The following GRM8 variants were observed in gnomAD, a reference collection of about 807,000 sequenced individuals.
GRM8 encodes metabotropic glutamate receptor 8.
GRM8 carries 47 observed loss-of-function variants against 87.2 expected under a neutral mutation model. The ratio of observed to expected loss-of-function variants is 0.54; its 90% confidence interval spans 0.43 to 0.69. GRM8 has a LOEUF of 0.69. Among genes scored for constraint, GRM8 ranks in the 30% least tolerant of loss-of-function variants. The pLI, the probability that GRM8 is intolerant of heterozygous loss-of-function variation, is 0.00. For synonymous variants in GRM8, 396 were observed against 404.5 expected (o/e 0.98, Z 0.25); for missense variants, 1,019 against 1,139.2 (o/e 0.89, Z 1.52).
At chr7:126,980,856 A>G (rs779658407) in intron 3 of GRM8, 3 of 152,224 alleles carry the variant, frequency 2.0e-5, no homozygotes, top group Non-Finnish European at 4.4e-5. Context: ...TTGGTCATGC[A>G]CACTAAATCA....
chr7:126,540,080 A>G (rs1816357970), intron 8 of GRM8, among the ~76,000 whole-genome samples: 1 of 152,138 alleles, frequency 6.6e-6, no homozygotes, highest in Admixed American at 6.5e-5. Flanking sequence ...TCCAGAATAT[A>G]TTTTTTAAAA....
intron 9 of GRM8, among the ~76,000 whole-genome samples, chr7:126,479,660 T>C (rs191838552): frequency 2.6e-5 from 4 of 152,244 alleles, no homozygotes; most frequent in African/African-American, 9.6e-5. Flanking sequence ...TTTTTGACTA[T>C]TTTAAATAAT....
At chr7:127,018,300 A>G (rs1427346302) in intron 3 of GRM8, among the ~76,000 whole-genome samples, 1 of 151,940 alleles carries the variant, frequency 6.6e-6, no homozygotes. Flanking sequence ...AAATAATAAT[A>G]AGGAAAAGTG....
intron 2 of GRM8, among the ~76,000 whole-genome samples, chr7:127,160,048 C>T (rs1392247826): frequency 6.6e-6 from 1 of 151,976 alleles, no homozygotes; most frequent in Non-Finnish European, 1.5e-5. Context: ...AAAAGCATTG[C>T]CTAAGCATAA....
intron 9 of GRM8, among the ~76,000 whole-genome samples, chr7:126,452,930 T>A (rs1175761098): frequency 6.6e-6 from 1 of 151,728 alleles, no homozygotes; most frequent in African/African-American, 2.4e-5. Flanking sequence ...ATATATTAAT[T>A]AATAAGGGAT....
At position 127,137,192 on chromosome 7, in the gene GRM8, T is replaced by C. The variant is rs754302624; in HGVS notation, c.511-30480A>G. On this transcript the variant is annotated intron_variant, in intron 2 of 10. Coordinates refer to ENST00000339582, the MANE Select transcript of GRM8 (RefSeq NM_000845.3). ...GGACTGTTCTAGGAGTTGGAGTTTATACACATACACATGCATAAACATACA... is the reference window on the plus strand; with the variant it reads ...GGACTGTTCTAGGAGTTGGAGTTTACACACATACACATGCATAAACATACA... Among the ~76,000 whole-genome samples, 40 of 151,928 alleles carry C rather than the reference T, an allele frequency of 2.6e-4. 1 individual carries two copies. Among genetic ancestry groups the C allele is most frequent in the Middle Eastern group, 3.4e-3 (1 of 292 alleles).
intron 7 of GRM8, among the ~76,000 whole-genome samples, chr7:126,634,001 A>AT (rs1185101877): frequency 6.6e-6 from 1 of 152,072 alleles, no homozygotes; most frequent in Admixed American, 6.6e-5. Context: ...AATTTTATAG[A>AT]TTTTATTAGT....
At chr7:126,539,056 G>GC (rs2150887627) in intron 8 of GRM8, among the ~76,000 whole-genome samples, 1 of 151,784 alleles carries the variant, frequency 6.6e-6, no homozygotes, top group Admixed American at 6.6e-5. Context: ...AATCTAATAT[G>GC]CTTGAGATGA....
chr7:127,000,398 AT>A (rs1420719920), intron 3 of GRM8, among the ~76,000 whole-genome samples: 1 of 151,744 alleles, frequency 6.6e-6, no homozygotes, highest in Non-Finnish European at 1.5e-5. Flanking sequence ...CTAAAATAAT[AT>A]AATTGGATTG....
At chr7:126,729,028 CTT>C (rs3831574) in intron 7 of GRM8, among the ~76,000 whole-genome samples, 66,446 of 151,928 alleles carry the variant, frequency 0.44, 14,648 homozygotes, top group Admixed American at 0.46. Context: ...TTCCTTCACT[CTT>C]TTTCTCCTCA....
At chr7:126,751,266 G>T (rs1293038327) in intron 7 of GRM8, among the ~76,000 whole-genome samples, 2 of 150,836 alleles carry the variant, frequency 1.3e-5, no homozygotes, top group African/African-American at 4.9e-5. Context: ...GTCATTTTCT[G>T]TGCCTCTTTT....
intron 6 of GRM8, among the ~76,000 whole-genome samples, chr7:126,805,945 C>T (rs1792636060): frequency 6.6e-6 from 1 of 152,152 alleles, no homozygotes; most frequent in Admixed American, 6.5e-5. Flanking sequence ...ACCAACAAAA[C>T]TGGACGAGGT....
Position 126,560,096 on chromosome 7 carries a change from C to T in GRM8, c.1495-26209G>A, listed in dbSNP as rs559528514. On this transcript the variant is annotated intron_variant, in intron 8 of 10. Transcript: ENST00000339582. The stretch of plus-strand genomic sequence containing the variant: ...GCAGCAACACTTACAACCTGTGCTG[C>T]CTTTGCTTTATTTTTTAAAGGCATG... 1.1e-4 allele frequency among the ~76,000 whole-genome samples: 16 copies of T among 152,216 alleles called. No homozygotes were observed. The South Asian group carries it at 3.3e-3, about 32-fold the overall frequency.
intron 8 of GRM8, among the ~76,000 whole-genome samples, chr7:126,555,702 C>A (rs919267355): frequency 6.6e-6 from 1 of 152,276 alleles, no homozygotes; most frequent in African/African-American, 2.4e-5. Flanking sequence ...TACTGTTGTT[C>A]AAACTTTATA....
In GRM8 at chr7:126,655,958, T is replaced by C. The variant is rs189593911; in HGVS notation, c.1358-46460A>G. ...TTGCACTTTCTCCTATTGAGAGAAA[T>C]AGATATTCTACTCAACCCTTTCTTC... On this transcript the variant is annotated intron_variant, in intron 7 of 10. Transcript: ENST00000339582. Among the ~76,000 whole-genome samples the C allele has an allele frequency of 7.2e-5, 11 of 152,260 alleles. No homozygotes were observed. In the East Asian group the frequency reaches 1.7e-3, roughly 24 times the overall value.
chr7:126,442,986 G>T (rs1039136660), intron 10 of GRM8, among the ~76,000 whole-genome samples: 1 of 151,984 alleles, frequency 6.6e-6, no homozygotes, highest in African/African-American at 2.4e-5. Flanking sequence ...ATGAATCAGA[G>T]ATGTACCAAT....
chr7:126,921,083 C>A (rs566092273), intron 3 of GRM8, among the ~76,000 whole-genome samples: 235 of 152,176 alleles, frequency 1.5e-3, no homozygotes, highest in Middle Eastern at 3.4e-3. Context: ...CCGTGAAAGT[C>A]AGGAACCAAA....
At chr7:127,163,086 G>T (rs1359277418) in intron 2 of GRM8, among the ~76,000 whole-genome samples, 1 of 152,088 alleles carries the variant, frequency 6.6e-6, no homozygotes, top group Admixed American at 6.6e-5. Flanking sequence ...AGGGATAGGG[G>T]TTGTAGTAGG....
chr7:127,012,329 T>G (rs2132118199), intron 3 of GRM8, among the ~76,000 whole-genome samples: 1 of 152,252 alleles, frequency 6.6e-6, no homozygotes, highest in Admixed American at 6.5e-5. Flanking sequence ...GTATACCCGG[T>G]GTGCCCAATA....
Sources: allele counts gnomAD v4.1 joint callset (sites outside exome capture counted in the v4.1 genomes callset), GRCh38; gene constraint gnomAD v4.1.1; transcripts MANE v1.5; gene names NCBI Gene and HGNC (gene_info 2026-07-23, HGNC 2026-07-21).